Variants in TRIP11 observed in about 807,000 individuals in gnomAD.
The protein encoded by TRIP11 is thyroid receptor-interacting protein 11.
A neutral mutation model predicts 223.1 loss-of-function variants in TRIP11; 148 were observed. That is an observed-to-expected ratio of 0.66 (90% CI 0.58 to 0.76). The LOEUF (loss-of-function observed/expected upper bound fraction) is 0.76. Ranked by LOEUF, TRIP11 falls within the 30% of genes least tolerant of loss-of-function variation. The probability of loss-of-function intolerance (pLI) is 0.00; values close to 1 mark genes in which losing one functional copy is unlikely to be tolerated. For synonymous variants in TRIP11, 762 were observed against 772.6 expected (o/e 0.99, Z 0.23); for missense variants, 2,043 against 2,222.0 (o/e 0.92, Z 1.62).
intron 1 of TRIP11, among the ~76,000 whole-genome samples, chr14:92,036,921 G>A (rs1015541424): frequency 6.6e-6 from 1 of 152,200 alleles, no homozygotes; most frequent in Admixed American, 6.5e-5. Flanking sequence ...GTAGAGATGA[G>A]ATCTCCCTAT....
At chr14:91,979,273 A>G (rs1313436504) in intron 16 of TRIP11, among the ~76,000 whole-genome samples, 1 of 138,008 alleles carries the variant, frequency 7.2e-6, no homozygotes, top group Non-Finnish European at 1.5e-5. Context: ...AAAAAAAAAA[A>G]GAGAGAGAGA....
Position 92,004,605 on chromosome 14 carries a change from T to C in TRIP11, c.3371A>G (p.Asp1124Gly). The stretch of plus-strand genomic sequence containing the variant: ...AGCTGCTTCCTTGGCAGCAACAATA[T>C]CCATCATTTTGTGATATTCTGTTTT... ...HLKTEYHKMMDIVAAKEAALI... is the reference protein window; with the variant it reads ...HLKTEYHKMMGIVAAKEAALI... Residue 1124 changes from aspartate to glycine, a missense_variant, in exon 11 of 21, where the codon GAT becomes GGT. By Grantham distance (94) the Asp-to-Gly change is moderately conservative. Transcript: ENST00000267622. 1.2e-6 allele frequency: 2 copies of C among 1,614,116 alleles called. No homozygotes were observed. The highest frequency in any genetic ancestry group is 1.7e-6 in the Non-Finnish European group (2 of 1,180,028).
At chr14:92,018,369 A>T (rs1398474290) in intron 4 of TRIP11, among the ~76,000 whole-genome samples, 1 of 152,100 alleles carries the variant, frequency 6.6e-6, no homozygotes, top group East Asian at 1.9e-4. Flanking sequence ...GGGATTAGAC[A>T]TGAACCACCA....
intron 17 of TRIP11, 64 bp downstream of exon 17, chr14:91,976,044 G>GTTTT (rs904978671): frequency 6.9e-7 from 1 of 1,456,914 alleles, no homozygotes; most frequent in African/African-American, 1.4e-5. Context: ...ACATTTAGAA[G>GTTTT]TTTTTTTTTA....
At chr14:92,028,605 T>A (rs2057219536) in intron 2 of TRIP11, among the ~76,000 whole-genome samples, 1 of 152,178 alleles carries the variant, frequency 6.6e-6, no homozygotes, top group Non-Finnish European at 1.5e-5. Context: ...TCTCTTCATG[T>A]GGCCGAACCC....
intron 16 of TRIP11, among the ~76,000 whole-genome samples, chr14:91,985,314 G>A (rs2140094558): frequency 6.6e-6 from 1 of 152,164 alleles, no homozygotes; most frequent in South Asian, 2.1e-4. Context: ...CCAAGTAGTT[G>A]GTTCTCATTA....
chr14:92,024,173 T>C (rs1358527956), intron 3 of TRIP11, among the ~76,000 whole-genome samples: 1 of 151,072 alleles, frequency 6.6e-6, no homozygotes, highest in African/African-American at 2.4e-5. Flanking sequence ...AGGTCAGGAG[T>C]TCAAGACCAG....
chr14:91,981,754 AGTATATG>A (rs2056548291), intron 16 of TRIP11, among the ~76,000 whole-genome samples: 1 of 152,230 alleles, frequency 6.6e-6, no homozygotes, highest in African/African-American at 2.4e-5. Context: ...GAAGGTCTAG[AGTATATG>A]GTAAATGTTT....
At chr14:92,015,916 C>A in intron 5 of TRIP11, 55 bp from the exon 6 acceptor site, 1 of 1,464,174 alleles carries the variant, frequency 6.8e-7, no homozygotes, top group Non-Finnish European at 9.3e-7. Context: ...TTTATGTAAG[C>A]TATATATTTA....
intron 16 of TRIP11, among the ~76,000 whole-genome samples, chr14:91,987,347 T>C (rs79657655): frequency 6.6e-6 from 1 of 152,280 alleles, no homozygotes; most frequent in East Asian, 1.9e-4. Context: ...CCTGCTGGAT[T>C]TAGGCCAGCT....
Position 91,968,935 on chromosome 14 carries a change from T to TGTG in TRIP11, c.*735_*737dup, listed in dbSNP as rs1431697340. 3 of 230,942 alleles carry TGTG rather than the reference T, an allele frequency of 1.3e-5. No individual in the cohort carries two copies. Among genetic ancestry groups the TGTG allele is most frequent in the African/African-American group, 6.6e-5 (3 of 45,176 alleles). 14.3% of individuals were successfully genotyped at this position (230,942 alleles called of 1,614,324 possible). A position where few individuals can be genotyped will look rare whatever the true frequency, so the allele number is the denominator to read the frequency against. On this transcript the variant is annotated 3_prime_UTR_variant, in exon 21 of 21. Transcript: ENST00000267622. ...TAATGGAAGTCTTCCGTGTCTTGCC[T>TGTG]GTGGTGGTAGTCACATGAATTTACA...
At chr14:91,988,468 C>T (rs889564479) in intron 15 of TRIP11, 85 bp from the exon 16 acceptor site, 46 of 1,195,934 alleles carry the variant, frequency 3.8e-5, no homozygotes, top group Non-Finnish European at 5.6e-5. Flanking sequence ...GAGTCAACCT[C>T]TACATTTCAG....
At chr14:92,006,479 A>C in intron 10 of TRIP11, 31 bp from the exon 11 acceptor site, 1 of 1,609,302 alleles carries the variant, frequency 6.2e-7, no homozygotes, top group Non-Finnish European at 8.5e-7. Flanking sequence ...GTGACTTTAC[A>C]ACATGTTCTC....
In TRIP11 at chr14:91,983,523, A is replaced by AT. The variant is rs533526350; in HGVS notation, c.5260+4760dup. On this transcript the variant is annotated intron_variant, in intron 16 of 20. Transcript: ENST00000267622. Reference sequence around the variant, plus strand: ...TACTTTTCCCTTTAAACTTAGAGGAATTTTTTTAAACTGCAATTTCTAAAA... The same window carrying AT: ...TACTTTTCCCTTTAAACTTAGAGGAATTTTTTTTAAACTGCAATTTCTAAAA... Among the ~76,000 whole-genome samples the AT allele has an allele frequency of 7.2e-3, 1,097 of 152,320 alleles. 5 individuals carry two copies. The highest frequency in any genetic ancestry group is 0.013 in the Non-Finnish European group (856 of 68,022).
chr14:91,996,673 C>T (rs865993610), intron 13 of TRIP11, among the ~76,000 whole-genome samples: 5 of 152,180 alleles, frequency 3.3e-5, no homozygotes, highest in South Asian at 2.1e-4. Context: ...TTGTCCAGCT[C>T]CCAATTTAAT....
chr14:91,996,973 C>T (rs1044190904), intron 13 of TRIP11, among the ~76,000 whole-genome samples: 4 of 152,118 alleles, frequency 2.6e-5, no homozygotes, highest in Non-Finnish European at 2.9e-5. Context: ...TTTTAATTTC[C>T]GGTTAAATTC....
intron 4 of TRIP11, among the ~76,000 whole-genome samples, chr14:92,018,945 A>C (rs1030166679): frequency 7.3e-6 from 1 of 136,514 alleles, no homozygotes; most frequent in Non-Finnish European, 1.5e-5. Context: ...TGGTAGACAG[A>C]GCAAGACTCC....
In TRIP11 at chr14:92,039,755, G is replaced by A. The variant is rs1313840053; in HGVS notation, c.-70C>T. The A allele has an allele frequency of 6.4e-7, 1 of 1,561,138 alleles. No individual in the cohort carries two copies. Among genetic ancestry groups the A allele is most frequent in the Non-Finnish European group, 8.7e-7 (1 of 1,152,484 alleles). Reference sequence around the variant, plus strand: ...AACGTTTAGCGCCGCCGGGCGATCCGACCAAATATCCTTGAACGCCTGCCT... The same window carrying A: ...AACGTTTAGCGCCGCCGGGCGATCCAACCAAATATCCTTGAACGCCTGCCT... On this transcript the variant is annotated 5_prime_UTR_variant, in exon 1 of 21. Coordinates refer to ENST00000267622, the MANE Select transcript of TRIP11 (RefSeq NM_004239.4).
intron 9 of TRIP11, among the ~76,000 whole-genome samples, chr14:92,008,417 A>T (rs984917675): frequency 3.3e-5 from 5 of 152,218 alleles, no homozygotes; most frequent in Non-Finnish European, 5.9e-5. Context: ...CTGTTAGAAC[A>T]TGGAACTTTT....
Sources: gnomAD v4.1 joint callset for allele counts (sites outside exome capture counted in the v4.1 genomes callset) on GRCh38, gnomAD v4.1.1 for gene constraint, MANE v1.5 for transcripts, NCBI Gene and HGNC (gene_info 2026-07-23, HGNC 2026-07-21) for gene names.